Variants in RIMBP2 observed in about 807,000 individuals in gnomAD.
RIMBP2 encodes the protein RIMS-binding protein 2.
Under a neutral mutation model 118.6 loss-of-function variants are expected in RIMBP2, and 48 were observed. That is an observed-to-expected ratio of 0.40 (90% CI 0.32 to 0.51). RIMBP2 has a LOEUF of 0.51. Ranked by LOEUF, RIMBP2 falls within the 20% of genes least tolerant of loss-of-function variation. RIMBP2 has a pLI of 0.41. For synonymous variants in RIMBP2, 762 were observed against 742.9 expected (o/e 1.03, Z -0.42); for missense variants, 1,551 against 1,768.3 (o/e 0.88, Z 2.20).
intron 2 of RIMBP2, among the ~76,000 whole-genome samples, chr12:130,583,499 TCACCATTAC>T (rs1015289810): frequency 1.7e-5 from 2 of 114,452 alleles, no homozygotes; most frequent in African/African-American, 5.7e-5. Flanking sequence ...ATCACCATCA[TCACCATTAC>T]CACCATTACA....
At chr12:130,563,537 T>C (rs991344168) in intron 2 of RIMBP2, among the ~76,000 whole-genome samples, 24 of 152,244 alleles carry the variant, frequency 1.6e-4, no homozygotes, top group African/African-American at 5.5e-4. Context: ...ATGAAAACGG[T>C]GACTCATCAT....
At chr12:130,495,226 G>A (rs10848116) in intron 4 of RIMBP2, among the ~76,000 whole-genome samples, 36,201 of 152,046 alleles carry the variant, frequency 0.24, 4,716 homozygotes, top group East Asian at 0.49. Context: ...GCCCTGAAAT[G>A]ATGAGGGGGG....
chr12:130,517,999 G>T, intron 2 of RIMBP2, 82 bp from the exon 3 acceptor site: 1 of 410,866 alleles, frequency 2.4e-6, no homozygotes, highest in Non-Finnish European at 3.3e-6. Flanking sequence ...GAGCTCCAAT[G>T]TGGTAATGAG....
intron 14 of RIMBP2, among the ~76,000 whole-genome samples, chr12:130,432,927 A>G (rs971364904): frequency 2.6e-5 from 4 of 152,218 alleles, no homozygotes; most frequent in African/African-American, 9.6e-5. Context: ...ACCAAAACAG[A>G]TACCTCTTTC....
At chr12:130,535,560 C>T (rs2053916730) in intron 2 of RIMBP2, among the ~76,000 whole-genome samples, 1 of 151,682 alleles carries the variant, frequency 6.6e-6, no homozygotes. Flanking sequence ...AAGTACTAAT[C>T]TAAGCACCAT....
chr12:130,608,776 A>G (rs74773965), intron 2 of RIMBP2, among the ~76,000 whole-genome samples: 3,028 of 152,300 alleles, frequency 0.02, 98 homozygotes, highest in African/African-American at 0.069. Flanking sequence ...ACATTACCTC[A>G]TAGTTATTTT....
chr12:130,622,974 G>A lies in RIMBP2; in HGVS notation c.-217+5348C>T, dbSNP rs187888205. Among the ~76,000 whole-genome samples the A allele has an allele frequency of 3.6e-4, 55 of 152,342 alleles. No homozygotes were observed. The highest frequency in any genetic ancestry group is 9.6e-4 in the East Asian group (5 of 5,184). On this transcript the variant is annotated intron_variant, in intron 2 of 22. Transcript: ENST00000690449. This position sits in a 1 kb window ranked among gnomAD's most constrained non-coding sequence, Gnocchi z 8.5. ...CAGAGAAAATGAAAGAACAGATGGC[G>A]TGGACTGAGGTCTGGGGATACTGTT... is the stretch of plus-strand genomic sequence containing the variant.
At chr12:130,451,142 C>G in intron 8 of RIMBP2, 53 bp downstream of exon 8, 1 of 1,588,006 alleles carries the variant, frequency 6.3e-7, no homozygotes, top group Non-Finnish European at 8.6e-7. Context: ...AACGTCCACA[C>G]CAGACACACA....
rs2076493538 is a variant in RIMBP2, at chr12:130,422,690, G to A, written c.3130-129C>T. 3 of 667,408 alleles carry A rather than the reference G, an allele frequency of 4.5e-6. No individual in the cohort carries two copies. The highest frequency in any genetic ancestry group is 3.6e-5 in the African/African-American group (2 of 55,820). The allele number at this position is 667,408 out of a possible 1,614,324, so 41.3% of individuals were successfully genotyped here. On this transcript the variant is annotated intron_variant, in intron 16 of 22. Transcript: ENST00000690449. This position sits in a 1 kb window ranked among gnomAD's most constrained non-coding sequence, Gnocchi z 5.2. The stretch of plus-strand genomic sequence containing the variant: ...AACTAAACTTAGCTTTTAACTGAAA[G>A]GTTAGCTGAATGGCCTGGGAGAGAA...
chr12:130,484,404 C>A lies in RIMBP2; in HGVS notation c.-3-5388G>T, dbSNP rs374666937. 3.0e-4 allele frequency among the ~76,000 whole-genome samples: 46 copies of A among 152,350 alleles called. 1 individual carries two copies. The South Asian group carries it at 8.7e-3, about 29-fold the overall frequency. On this transcript the variant is annotated intron_variant, in intron 4 of 22. Coordinates refer to ENST00000690449, the MANE Select transcript of RIMBP2 (RefSeq NM_001393629.1). ...TCACGTTCCAGCCTTTGCCCAGATGCCACTTCGCACTGAAGCCTGGTGGCC... is the reference window on the plus strand; with the variant it reads ...TCACGTTCCAGCCTTTGCCCAGATGACACTTCGCACTGAAGCCTGGTGGCC...
intron 1 of RIMBP2, among the ~76,000 whole-genome samples, chr12:130,646,423 T>TCCCTCACCACC (rs1566423515): frequency 2.7e-4 from 2 of 7,484 alleles, no homozygotes; most frequent in East Asian, 5.0e-3. Flanking sequence ...CCCTCACCAC[T>TCCCTCACCACC]TCCCTCTCCA....
Position 130,581,836 on chromosome 12 carries a change from G to A in RIMBP2, c.-217+46486C>T, listed in dbSNP as rs2058501903. 6.6e-6 allele frequency among the ~76,000 whole-genome samples: 1 copy of A among 152,084 alleles called. No homozygotes were observed. On this transcript the variant is annotated intron_variant, in intron 2 of 22. Coordinates refer to ENST00000690449, the MANE Select transcript of RIMBP2 (RefSeq NM_001393629.1). This position sits in a 1 kb window ranked among gnomAD's most constrained non-coding sequence, Gnocchi z 4.4. ...CAGAAGTCACAACACCAAAAAATAAGCCACACACTATTATTTTGCATATCA... is the reference window on the plus strand; with the variant it reads ...CAGAAGTCACAACACCAAAAAATAAACCACACACTATTATTTTGCATATCA...
At chr12:130,535,567 C>T (rs945669534) in intron 2 of RIMBP2, among the ~76,000 whole-genome samples, 3 of 151,772 alleles carry the variant, frequency 2.0e-5, no homozygotes, top group African/African-American at 7.2e-5. Flanking sequence ...AATCTAAGCA[C>T]CATTGCATAG....
At chr12:130,536,991 A>G (rs2054141758) in intron 2 of RIMBP2, among the ~76,000 whole-genome samples, 1 of 152,218 alleles carries the variant, frequency 6.6e-6, no homozygotes, top group Non-Finnish European at 1.5e-5. Context: ...ATATTCTGTA[A>G]CATATCTGGC....
chr12:130,461,779 C>T (rs1374662875), intron 6 of RIMBP2, among the ~76,000 whole-genome samples: 1 of 152,170 alleles, frequency 6.6e-6, no homozygotes, highest in Non-Finnish European at 1.5e-5. Flanking sequence ...CCTTTGCCTT[C>T]TGCCATGATT....
rs2292668 is a variant in RIMBP2, at chr12:130,438,743, G to T, written c.1505-227C>A. The stretch of plus-strand genomic sequence containing the variant: ...ACAGCTGCCCTTTTCCTTTAAATTC[G>T]GCATTTAGTCACCATCTTCTGGGAA... On this transcript the variant is annotated intron_variant, in intron 11 of 22. Transcript: ENST00000690449. Among the ~76,000 whole-genome samples the T allele has an allele frequency of 1.6e-3, 237 of 152,084 alleles. 1 individual carries two copies. Among genetic ancestry groups the T allele is most frequent in the Non-Finnish European group, 2.6e-3 (178 of 67,962 alleles).
chr12:130,438,668 T>G, intron 11 of RIMBP2, 152 bp from the exon 12 acceptor site: 1 of 350,220 alleles, frequency 2.9e-6, no homozygotes. Context: ...CATCAGAAAC[T>G]GTGGTGAGGT....
intron 4 of RIMBP2, among the ~76,000 whole-genome samples, chr12:130,498,542 T>C (rs1470614315): frequency 2.7e-5 from 4 of 148,842 alleles, no homozygotes; most frequent in Non-Finnish European, 4.4e-5. Flanking sequence ...GGGCCTCTGG[T>C]CCTTTAGACC....
chr12:130,398,330 G>A (rs2074227645), intron 22 of RIMBP2: 2 of 152,340 alleles, frequency 1.3e-5, no homozygotes, highest in African/African-American at 4.8e-5. Context: ...AGCAACTCTT[G>A]CCATGTGAGT....
Sources: gnomAD v4.1 joint callset for allele counts (sites outside exome capture counted in the v4.1 genomes callset) on GRCh38, gnomAD v4.1.1 for gene constraint, Gnocchi (gnomAD v3.1) non-coding constraint, MANE v1.5 for transcripts, NCBI Gene and HGNC (gene_info 2026-07-23, HGNC 2026-07-21) for gene names.